Variants in EIF3G observed in about 807,000 individuals in gnomAD.
EIF3G encodes the protein eukaryotic translation initiation factor 3 RNA-binding subunit.
EIF3G carries 10 observed loss-of-function variants against 41.7 expected under a neutral mutation model. That is an observed-to-expected ratio of 0.24 (90% CI 0.15 to 0.41). The LOEUF (loss-of-function observed/expected upper bound fraction) is 0.41. Among genes scored for constraint, EIF3G ranks in the 10% least tolerant of loss-of-function variants. The pLI is 1.00. For missense variants in EIF3G, 297 were observed against 444.0 expected (o/e 0.67, Z 2.98); for synonymous variants, 204 against 172.5 (o/e 1.18, Z -1.43).
At chr19:10,115,164 TG>T (rs1161686406) in intron 10 of EIF3G, 35 bp from the exon 11 acceptor site, 1 of 1,611,646 alleles carries the variant, frequency 6.2e-7, no homozygotes, top group African/African-American at 1.3e-5. Flanking sequence ...ATAAGACTTC[TG>T]GGGGCACCCC....
rs746841091 is a variant in EIF3G, at chr19:10,116,330, G to A, written c.596-256C>T. ...CCCAGAGAGGGCGGGAGGACAACAG[G>A]GGCAGCAGCCTCACATGCACAGCAA... On this transcript the variant is annotated intron_variant, in intron 7 of 10. Transcript: ENST00000253108. This position sits in a 1 kb window ranked among gnomAD's most constrained non-coding sequence, Gnocchi z 4.1. 1.7e-6 allele frequency: 1 copy of A among 573,728 alleles called. No individual in the cohort carries two copies. The highest frequency in any genetic ancestry group is 2.1e-5 in the South Asian group (1 of 48,088). The allele number at this position is 573,728 out of a possible 1,614,324, so 35.5% of individuals were successfully genotyped here.
At chr19:10,115,350 A>G (rs1463191921) in intron 10 of EIF3G, 129 bp downstream of exon 10, 3 of 1,211,334 alleles carry the variant, frequency 2.5e-6, no homozygotes, top group Non-Finnish European at 3.4e-6. Flanking sequence ...AAAAAACAAT[A>G]AAGGACTGTC....
chr19:10,117,212 A>C, intron 5 of EIF3G, 24 bp from the exon 6 acceptor site: 7 of 1,514,546 alleles, frequency 4.6e-6, no homozygotes, highest in Non-Finnish European at 5.5e-6. Flanking sequence ...GGGATGGGGG[A>C]CAGTTGAGGG....
At chr19:10,117,273 C>G in intron 5 of EIF3G, 85 bp from the exon 6 acceptor site, 2 of 960,748 alleles carry the variant, frequency 2.1e-6, no homozygotes, top group Admixed American at 2.4e-5. Flanking sequence ...ACAACAGCCA[C>G]CCCCAGAGTG....
rs778344307 is a variant in EIF3G at position 10,118,925 on chromosome 19, G to A, written c.183C>T (p.Asn61=). The A allele has an allele frequency of 9.3e-6, 15 of 1,613,548 alleles. No homozygotes were observed. The highest frequency in any genetic ancestry group is 7.7e-5 in the South Asian group (7 of 91,084). The change falls in exon 4 of 11, where the codon AAC becomes AAT. Residue 61 remains asparagine (N), a synonymous_variant. Coordinates refer to ENST00000253108, the MANE Select transcript of EIF3G (RefSeq NM_003755.5). ...APLPPPKEVI[N]GNIKTVTEYK... ...ACTCTGTCACTGTCTTTATGTTTCC[G>A]TTGATGACCTCCTTGGGAGGCGGCA...
chr19:10,115,029 T>G lies in EIF3G; in HGVS notation c.*85A>C. ...AAGAACCAAGTAGAGAGAGTGGAGC[T>G]GCTTTATTGCCCTTGGAGCCCGCGC... On this transcript the variant is annotated 3_prime_UTR_variant, in exon 11 of 11. Coordinates refer to ENST00000253108, the MANE Select transcript of EIF3G (RefSeq NM_003755.5). 6.3e-7 allele frequency: 1 copy of G among 1,584,486 alleles called. No homozygotes were observed. The highest frequency in any genetic ancestry group is 8.6e-7 in the Non-Finnish European group (1 of 1,159,168).
At chr19:10,117,255 C>T in intron 5 of EIF3G, 67 bp from the exon 6 acceptor site, 1 of 1,245,128 alleles carries the variant, frequency 8.0e-7, no homozygotes, top group Non-Finnish European at 1.1e-6. Flanking sequence ...GTGGGGTGCC[C>T]TAGACCTACA....
rs2089252743 is a variant in EIF3G, at chr19:10,116,500, A to T, written c.595+300T>A. The T allele has an allele frequency of 2.0e-6, 1 of 490,938 alleles. No individual in the cohort carries two copies. The highest frequency in any genetic ancestry group is 3.6e-6 in the Non-Finnish European group (1 of 274,498). 30.4% of individuals were successfully genotyped at this position (490,938 alleles called of 1,614,324 possible). ...GTACAGCCACAGGCATGCAACGGAG[A>T]CACTATACACACAGTGCGCACACAC... On this transcript the variant is annotated intron_variant, in intron 7 of 10. Coordinates refer to ENST00000253108, the MANE Select transcript of EIF3G (RefSeq NM_003755.5). This position sits in a 1 kb window ranked among gnomAD's most constrained non-coding sequence, Gnocchi z 4.1.
rs765829507 is a variant in EIF3G, at chr19:10,115,464, G to C, written c.947+15C>G. 2 of 1,597,646 alleles carry C rather than the reference G, an allele frequency of 1.3e-6. No homozygotes were observed. Among genetic ancestry groups the C allele is most frequent in the Admixed American group, 3.4e-5 (2 of 59,296 alleles). On this transcript the variant is annotated intron_variant, in intron 10 of 10. Coordinates refer to ENST00000253108, the MANE Select transcript of EIF3G (RefSeq NM_003755.5). Reference sequence around the variant, plus strand: ...AAGGCAGGGAGCAGGGGCTGGGGCAGGGATGGAGTCTTACTTGGCCCACTC... The same window carrying C: ...AAGGCAGGGAGCAGGGGCTGGGGCACGGATGGAGTCTTACTTGGCCCACTC...
intron 5 of EIF3G, 32 bp from the exon 6 acceptor site, chr19:10,117,220 G>A: frequency 1.3e-6 from 2 of 1,535,968 alleles, no homozygotes; most frequent in South Asian, 1.2e-5. Context: ...GGACAGTTGA[G>A]GGCAGGGGCA....
rs1481001310 is a variant in EIF3G, at chr19:10,115,558, G to A, written c.868C>T (p.Arg290Cys). The A allele has an allele frequency of 9.3e-6, 15 of 1,613,782 alleles. No individual in the cohort carries two copies. The highest frequency in any genetic ancestry group is 1.3e-5 in the African/African-American group (1 of 74,932). ...GCAATGGCACGCGCAGCATCCTCGCGGCGGTGGAAGCTGATGAAGGCAAAG... is the reference window on the plus strand; with the variant it reads ...GCAATGGCACGCGCAGCATCCTCGCAGCGGTGGAAGCTGATGAAGGCAAAG... Reference protein sequence around the residue: ...KGFAFISFHRREDAARAIAGV... With the variant: ...KGFAFISFHRCEDAARAIAGV... The change falls in exon 10 of 11, where the codon CGC (arginine) becomes TGC (cysteine). Residue 290 changes from arginine to cysteine, a missense_variant. By Grantham distance (180) the Arg-to-Cys change is radical. Transcript: ENST00000253108.
Position 10,115,812 on chromosome 19 carries a change from T to C in EIF3G, c.712A>G (p.Asn238Asp), listed in dbSNP as rs1474749470. Residue 238 changes from asparagine to aspartate, a missense_variant, in exon 9 of 11, where the codon AAC becomes GAC. Asn to Asp is a conservative substitution (Grantham distance 23). Around this residue, in one of 4 missense-constraint regions of EIF3G, gnomAD observed 91 missense variants for 170.5 expected, o/e 0.53. Transcript: ENST00000253108. The part of the protein sequence containing the change: ...SMQPNRRADD[N>D]ATIRVTNLSE... ...AAGTTGGTGACACGGATGGTGGCGT[T>C]GTCGTCGGCTGTGTGGGAGAGGGGA... The C allele has an allele frequency of 6.2e-7, 1 of 1,612,448 alleles. No individual in the cohort carries two copies. Among genetic ancestry groups the C allele is most frequent in the East Asian group, 2.2e-5 (1 of 44,884 alleles).
In EIF3G at chr19:10,116,453, AT is replaced by A; in HGVS notation, c.595+346del. The A allele has an allele frequency of 2.1e-6, 1 of 474,936 alleles. No individual in the cohort carries two copies. The highest frequency in any genetic ancestry group is 3.8e-6 in the Non-Finnish European group (1 of 263,302). The allele number at this position is 474,936 out of a possible 1,614,324, so 29.4% of individuals were successfully genotyped here. A position where few individuals can be genotyped will look rare whatever the true frequency, so the allele number is the denominator to read the frequency against. On this transcript the variant is annotated intron_variant, in intron 7 of 10. Transcript: ENST00000253108. The surrounding 1 kb of genome is among the most constrained non-coding windows in gnomAD (Gnocchi z 4.1). ...GCACTCTCACACTCGCCACCAGCAAATCCCACCAAAGAATTCGGACGGTACA... is the reference window on the plus strand; with the variant it reads ...GCACTCTCACACTCGCCACCAGCAAACCCACCAAAGAATTCGGACGGTACA...
At position 10,118,950 on chromosome 19, in the gene EIF3G, A is replaced by G; in HGVS notation, c.158T>C (p.Leu53Pro). The change falls in exon 4 of 11, where the codon CTG becomes CCG. Residue 53 changes from leucine to proline, a missense_variant. Around this residue, in one of 4 missense-constraint regions of EIF3G, gnomAD observed 147 missense variants for 162.4 expected, o/e 0.91. Transcript: ENST00000253108. The part of the protein sequence containing the change: ...PEPELLPGAP[L>P]PPPKEVINGN... ...GTTGATGACCTCCTTGGGAGGCGGC[A>G]GTGGAGCTGGCAGAAGGGGAAAAAC... 6.2e-7 allele frequency: 1 copy of G among 1,614,038 alleles called. No individual in the cohort carries two copies. Among genetic ancestry groups the G allele is most frequent in the Non-Finnish European group, 8.5e-7 (1 of 1,179,992 alleles).
chr19:10,115,169 G>C (rs1035397122), intron 10 of EIF3G, 40 bp from the exon 11 acceptor site: 13 of 1,611,254 alleles, frequency 8.1e-6, no homozygotes, highest in Non-Finnish European at 9.3e-6. Context: ...ACTTCTGGGG[G>C]CACCCCAAGA....
At position 10,116,128 on chromosome 19, in the gene EIF3G, CAG is replaced by C. The variant is rs2089244579; in HGVS notation, c.596-56_596-55del. The C allele has an allele frequency of 5.8e-6, 9 of 1,546,078 alleles. No homozygotes were observed. The Admixed American group carries it at 1.1e-4, about 19-fold the overall frequency. On this transcript the variant is annotated intron_variant, in intron 7 of 10. Transcript: ENST00000253108. This position sits in a 1 kb window ranked among gnomAD's most constrained non-coding sequence, Gnocchi z 4.1. The stretch of plus-strand genomic sequence containing the variant: ...CCTCACTGTGGCGCAGGCGTGGGGA[CAG>C]AGCCGCCCCAGGAAGCTCGGGCTTC...
chr19:10,115,354 G>T, intron 10 of EIF3G, 125 bp downstream of exon 10: 2 of 1,220,710 alleles, frequency 1.6e-6, no homozygotes, highest in Non-Finnish European at 1.1e-6. Flanking sequence ...AACAATAAAG[G>T]ACTGTCCCCT....
At position 10,115,479 on chromosome 19, in the gene EIF3G, T is replaced by C; in HGVS notation, c.947A>G (p.Lys316Arg). Residue 316 changes from lysine to arginine, a missense_variant and splice_region_variant, in exon 10 of 11, where the codon AAG (lysine) becomes AGG (arginine). By Grantham distance (26) the Lys-to-Arg change is conservative. Transcript: ENST00000253108. ...DHLILNVEWA[K>R]PSTN ...GGCTGGGGCAGGGATGGAGTCTTAC[T>C]TGGCCCACTCGACGTTGAGGATGAG... 1 of 1,607,232 alleles carries C rather than the reference T, an allele frequency of 6.2e-7. No homozygotes were observed. Among genetic ancestry groups the C allele is most frequent in the Non-Finnish European group, 8.5e-7 (1 of 1,175,964 alleles).
At chr19:10,115,283 C>CA (rs1243820947) in intron 10 of EIF3G, 154 bp from the exon 11 acceptor site, 30 of 1,159,040 alleles carry the variant, frequency 2.6e-5, no homozygotes, top group Middle Eastern at 2.8e-4. Flanking sequence ...AGGCCTGGTC[C>CA]ACGGACTGGC....
Sources: gnomAD v4.1 joint callset for allele counts on GRCh38, gnomAD v4.1.1 for gene constraint, gnomAD v4.1.1 regional missense constraint, Gnocchi (gnomAD v3.1) non-coding constraint, MANE v1.5 for transcripts, NCBI Gene and HGNC (gene_info 2026-07-23, HGNC 2026-07-21) for gene names.